Variants in C14orf39 observed in about 807,000 individuals in gnomAD.
The protein encoded by C14orf39 is chromosome 14 open reading frame 39.
In C14orf39, 66 loss-of-function variants were observed where a neutral mutation model predicts 85.6. The observed-to-expected ratio is 0.77, with a 90% CI of 0.63 to 0.95. The LOEUF (loss-of-function observed/expected upper bound fraction) is 0.95. Among genes scored for constraint, C14orf39 ranks in the 40% least tolerant of loss-of-function variants. The pLI, the probability that C14orf39 is intolerant of heterozygous loss-of-function variation, is 0.00. For synonymous variants in C14orf39, 242 were observed against 214.0 expected (o/e 1.13, Z -1.14); for missense variants, 735 against 663.9 (o/e 1.11, Z -1.18).
intron 1 of C14orf39, chr14:60,511,103 T>C: frequency 6.2e-7 from 1 of 1,612,804 alleles, no homozygotes; most frequent in East Asian, 2.2e-5. Flanking sequence ...GCAGGTCCTG[T>C]CACAGGGTTC....
intron 13 of C14orf39, 138 bp from the exon 14 acceptor site, chr14:60,458,877 A>G (rs1322423123): frequency 3.5e-5 from 20 of 578,464 alleles, no homozygotes; most frequent in Non-Finnish European, 5.4e-5. Flanking sequence ...TCAACATAAT[A>G]CATACAGATA....
At chr14:60,497,781 C>G (rs1397893034) in intron 2 of C14orf39, among the ~76,000 whole-genome samples, 3 of 151,970 alleles carry the variant, frequency 2.0e-5, no homozygotes, top group Non-Finnish European at 4.4e-5. Flanking sequence ...ACTTGGGAGG[C>G]TGAGGCAGGA....
At chr14:60,464,915 C>G (rs1891714265) in intron 11 of C14orf39, among the ~76,000 whole-genome samples, 2 of 151,928 alleles carry the variant, frequency 1.3e-5, no homozygotes, top group Middle Eastern at 3.4e-3. Context: ...TTATTTTTAC[C>G]CCCATTACTG....
rs191476778 is a variant in C14orf39, at chr14:60,480,584, C to A, written c.234-2195G>T. Among the ~76,000 whole-genome samples the A allele has an allele frequency of 1.6e-4, 24 of 152,230 alleles. No individual in the cohort carries two copies. The East Asian group carries it at 4.1e-3, about 26-fold the overall frequency. On this transcript the variant is annotated intron_variant, in intron 4 of 17. Coordinates refer to ENST00000321731, the MANE Select transcript of C14orf39 (RefSeq NM_174978.3). ...ACTAAAAATAGAATTACCATATGAT[C>A]CAGCCATCCCACTTTTGAGTATTCG...
upstream of C14orf39, among the ~76,000 whole-genome samples, chr14:60,486,656 G>T (rs1233870103): frequency 6.6e-6 from 1 of 152,170 alleles, no homozygotes; most frequent in East Asian, 1.9e-4. Context: ...AAGCAGTTCA[G>T]TCCTCCAAAG....
At chr14:60,474,187 G>C (rs1260197547) in intron 5 of C14orf39, among the ~76,000 whole-genome samples, 1 of 151,750 alleles carries the variant, frequency 6.6e-6, no homozygotes, top group Non-Finnish European at 1.5e-5. Flanking sequence ...GAGTTCACTC[G>C]TGATTTGGCT....
Position 60,461,539 on chromosome 14 carries a change from T to G in C14orf39, c.1027A>C (p.Ile343Leu), listed in dbSNP as rs775758391. ...NHSKCSHITTITSSQKFMQVR... is the reference protein window; with the variant it reads ...NHSKCSHITTLTSSQKFMQVR... ...TGCATAAACTTTTGTGAACTTGTGA[T>G]AGTCGTAATATGTGAACATTTTGAA... The change falls in exon 12 of 18, where the codon ATC becomes CTC. Residue 343 changes from isoleucine to leucine, a missense_variant. Coordinates refer to ENST00000321731, the MANE Select transcript of C14orf39 (RefSeq NM_174978.3). The G allele has an allele frequency of 6.3e-7, 1 of 1,590,500 alleles. No individual in the cohort carries two copies. The highest frequency in any genetic ancestry group is 1.8e-5 in the Admixed American group (1 of 54,978).
chr14:60,508,894 G>T, intron 1 of C14orf39: 2 of 170,818 alleles, frequency 1.2e-5, no homozygotes, highest in Non-Finnish European at 2.5e-5. Context: ...GGGGTAGAGC[G>T]GGGTGGGGGA....
intron 17 of C14orf39, among the ~76,000 whole-genome samples, chr14:60,437,691 G>GT (rs1396729801): frequency 1.3e-5 from 2 of 151,920 alleles, no homozygotes; most frequent in East Asian, 3.9e-4. Flanking sequence ...TTGACCTTAG[G>GT]TACAATCATA....
intron 16 of C14orf39, among the ~76,000 whole-genome samples, chr14:60,450,498 A>G (rs1226349112): frequency 1.3e-5 from 2 of 152,202 alleles, no homozygotes; most frequent in East Asian, 3.9e-4. Context: ...TAGCCACAGT[A>G]GAGTAGAACA....
intron 15 of C14orf39, among the ~76,000 whole-genome samples, chr14:60,455,366 C>T (rs1891223163): frequency 6.6e-6 from 1 of 151,856 alleles, no homozygotes; most frequent in South Asian, 2.1e-4. Context: ...TCACAAGAAC[C>T]CTATGAAATA....
At chr14:60,459,791 C>A (rs1383551993) in intron 13 of C14orf39, among the ~76,000 whole-genome samples, 1 of 151,698 alleles carries the variant, frequency 6.6e-6, no homozygotes, top group African/African-American at 2.4e-5. Context: ...ATACTTTGCA[C>A]ATATTTTTAA....
intron 1 of C14orf39, among the ~76,000 whole-genome samples, chr14:60,501,001 A>C (rs1218907900): frequency 6.6e-6 from 1 of 152,040 alleles, no homozygotes; most frequent in African/African-American, 2.4e-5. Context: ...ATGTGTGTGT[A>C]CATGTAGGTA....
chr14:60,450,458 G>A (rs1272256024), intron 16 of C14orf39, among the ~76,000 whole-genome samples: 1 of 152,178 alleles, frequency 6.6e-6, no homozygotes, highest in Non-Finnish European at 1.5e-5. Context: ...AGAGCAGGAA[G>A]GACTTTGTAT....
intron 16 of C14orf39, among the ~76,000 whole-genome samples, chr14:60,442,554 C>A (rs1890569950): frequency 6.6e-6 from 1 of 152,106 alleles, no homozygotes; most frequent in Non-Finnish European, 1.5e-5. Flanking sequence ...AAAATGAGAT[C>A]ATGACAGCAT....
rs746569031 is a variant in C14orf39, at chr14:60,456,943, T to C, written c.1332A>G (p.Lys444=). Residue 444 remains lysine, a synonymous_variant, in exon 15 of 18, where the codon AAA becomes AAG. Coordinates refer to ENST00000321731, the MANE Select transcript of C14orf39 (RefSeq NM_174978.3). ...VKAPESLEKI[K]FPKTPPFEIN... ...TTTCGAACGGGGGGGTTTTAGGGAA[T>C]TTTATTTTCTCCAATGACTCAGGTG... The C allele has an allele frequency of 6.3e-7, 1 of 1,580,980 alleles. No individual in the cohort carries two copies. The highest frequency in any genetic ancestry group is 8.6e-7 in the Non-Finnish European group (1 of 1,169,116).
chr14:60,445,185 A>C (rs1000820931), intron 16 of C14orf39, among the ~76,000 whole-genome samples: 1 of 152,192 alleles, frequency 6.6e-6, no homozygotes, highest in African/African-American at 2.4e-5. Flanking sequence ...ACCAGCTAAC[A>C]TCATGACAGG....
At position 60,478,295 on chromosome 14, in the gene C14orf39, TA is replaced by T; in HGVS notation, c.323+4del. 6.8e-7 allele frequency: 1 copy of T among 1,461,332 alleles called. No individual in the cohort carries two copies. The highest frequency in any genetic ancestry group is 9.3e-7 in the Non-Finnish European group (1 of 1,072,112). 90.5% of individuals were successfully genotyped at this position (1,461,332 alleles called of 1,614,324 possible). On this transcript the variant is annotated splice_donor_region_variant and intron_variant, in intron 5 of 17. Transcript: ENST00000321731. The stretch of plus-strand genomic sequence containing the variant: ...GAATTGATAAACTTCATATAAGTAC[TA>T]TACTTGTCTTTTTCAACAGTTCCTT...
chr14:60,477,424 A>T (rs376865416), intron 5 of C14orf39, among the ~76,000 whole-genome samples: 14 of 152,260 alleles, frequency 9.2e-5, no homozygotes, highest in Admixed American at 5.2e-4. Context: ...AAAACATTTC[A>T]ATGTCTTATA....
Sources: gnomAD v4.1 joint callset for allele counts (sites outside exome capture counted in the v4.1 genomes callset) on GRCh38, gnomAD v4.1.1 for gene constraint, MANE v1.5 for transcripts, NCBI Gene and HGNC (gene_info 2026-07-23, HGNC 2026-07-21) for gene names.